The following COA1 variants were observed in gnomAD, a reference collection of about 807,000 sequenced individuals.
COA1 encodes cytochrome c oxidase assembly factor 1 homolog.
Under a neutral mutation model 16.0 loss-of-function variants are expected in COA1, and 13 were observed. The ratio of observed to expected loss-of-function variants is 0.81; its 90% confidence interval spans 0.53 to 1.29. The LOEUF is 1.29. Ranked by LOEUF, COA1 falls within the 50% of genes most tolerant of loss-of-function variation. COA1 has a pLI of 0.00. For missense variants in COA1, 179 were observed against 177.0 expected (o/e 1.01, Z -0.06); for synonymous variants, 65 against 65.7 (o/e 0.99, Z 0.05).
At chr7:43,621,220 T>A (rs10262925) in intron 6 of COA1, among the ~76,000 whole-genome samples, 1 of 152,096 alleles carries the variant, frequency 6.6e-6, no homozygotes, top group Non-Finnish European at 1.5e-5. Context: ...ACCTTTAAAA[T>A]TTTTTATATA....
At chr7:43,719,612 C>A (rs1182841861) in intron 1 of COA1, among the ~76,000 whole-genome samples, 1 of 152,200 alleles carries the variant, frequency 6.6e-6, no homozygotes, top group African/African-American at 2.4e-5. Context: ...TTTCCCCACA[C>A]ACCGAATCTG....
At chr7:43,724,613 C>G (rs951612381) in intron 1 of COA1, among the ~76,000 whole-genome samples, 3 of 151,800 alleles carry the variant, frequency 2.0e-5, no homozygotes, top group African/African-American at 7.3e-5. Flanking sequence ...ATGTTCACAG[C>G]AGCACTATTC....
chr7:43,683,844 G>C (rs1050417569), intron 1 of COA1, among the ~76,000 whole-genome samples: 1 of 152,110 alleles, frequency 6.6e-6, no homozygotes, highest in Non-Finnish European at 1.5e-5. Context: ...TGCTGCATAA[G>C]AAAGTCACCA....
chr7:43,722,925 G>A (rs1585552303), intron 1 of COA1, among the ~76,000 whole-genome samples: 2 of 152,124 alleles, frequency 1.3e-5, no homozygotes, highest in South Asian at 2.1e-4. Context: ...GAGCCCACAA[G>A]ATAAAAGATC....
chr7:43,618,500 C>T (rs528878994), intron 6 of COA1, among the ~76,000 whole-genome samples: 1 of 152,268 alleles, frequency 6.6e-6, no homozygotes, highest in African/African-American at 2.4e-5. Context: ...TCTTAAAACA[C>T]TGGGTGTTAG....
intron 1 of COA1, among the ~76,000 whole-genome samples, chr7:43,691,069 A>C (rs1425568951): frequency 2.9e-5 from 4 of 136,150 alleles, no homozygotes; most frequent in East Asian, 4.2e-4. Context: ...AAAAAAAAAA[A>C]AAAAAAAACA....
Position 43,675,363 on chromosome 7 carries a change from T to C in COA1, c.-38-26711A>G, listed in dbSNP as rs968641915. On this transcript the variant is annotated intron_variant, in intron 1 of 5. Coordinates refer to ENST00000223336, the MANE Select transcript of COA1 (RefSeq NM_018224.4). ...ACCAAACATCGTGTGTTCTCACTCA[T>C]AGGTGGGAATTGAACAATGAGAACA... 2.2e-4 allele frequency among the ~76,000 whole-genome samples: 33 copies of C among 150,618 alleles called. 1 individual carries two copies. The highest frequency in any genetic ancestry group is 9.9e-4 in the Admixed American group (15 of 15,102).
At chr7:43,720,373 T>C (rs1341622184) in intron 1 of COA1, among the ~76,000 whole-genome samples, 2 of 152,210 alleles carry the variant, frequency 1.3e-5, no homozygotes, top group Non-Finnish European at 2.9e-5. Context: ...TCCTCTTTAT[T>C]AAGCGTTTTA....
At chr7:43,699,225 A>C (rs574306461) in intron 1 of COA1, among the ~76,000 whole-genome samples, 2 of 152,112 alleles carry the variant, frequency 1.3e-5, no homozygotes, top group African/African-American at 2.4e-5. Context: ...CAGAAAAAAA[A>C]CACATATACC....
intron 1 of COA1, among the ~76,000 whole-genome samples, chr7:43,688,099 G>A (rs1188550974): frequency 6.6e-6 from 1 of 152,140 alleles, no homozygotes; most frequent in Non-Finnish European, 1.5e-5. Context: ...ATGATTCTGA[G>A]GTCTCCCCAG....
chr7:43,621,051 C>A (rs1324527132), intron 6 of COA1, among the ~76,000 whole-genome samples: 2 of 152,046 alleles, frequency 1.3e-5, no homozygotes, highest in Non-Finnish European at 2.9e-5. Context: ...GAGGATGTTA[C>A]AAGAAAAGAG....
At chr7:43,680,007 A>G (rs2093692893) in intron 1 of COA1, among the ~76,000 whole-genome samples, 1 of 152,190 alleles carries the variant, frequency 6.6e-6, no homozygotes, top group African/African-American at 2.4e-5. Context: ...TTAACAGATT[A>G]GATTCACCTT....
intron 1 of COA1, chr7:43,650,668 G>A (rs747462892): frequency 5.9e-5 from 9 of 152,210 alleles, no homozygotes; most frequent in South Asian, 2.1e-4. Flanking sequence ...GAAAGCCCTC[G>A]CCAGGACTCA....
chr7:43,623,420 TATTA>T lies in COA1; in HGVS notation c.*134-13929_*134-13926del, dbSNP rs1205387681. ...ATTACAAACATCTAGTTAGGCTTTA[TATTA>T]ATTCATATTAATTTATGGTAACCTT... is the stretch of plus-strand genomic sequence containing the variant. On this transcript the variant is annotated intron_variant and NMD_transcript_variant, in intron 6 of 6. Coordinates refer to the COA1 transcript ENST00000415076. 7 of 644,122 alleles carry T rather than the reference TATTA, an allele frequency of 1.1e-5. No homozygotes were observed. In the Admixed American group the frequency reaches 2.2e-4, roughly 21 times the overall value. The allele number at this position is 644,122 out of a possible 1,614,324, so 39.9% of individuals were successfully genotyped here. A position where few individuals can be genotyped will look rare whatever the true frequency, so the allele number is the denominator to read the frequency against.
At chr7:43,648,927 C>T (rs535218806) in intron 1 of COA1, 33 of 322,352 alleles carry the variant, frequency 1.0e-4, no homozygotes, top group African/African-American at 6.5e-4. Context: ...AAGGGAGAAC[C>T]GCAGACAGCA....
downstream of COA1, among the ~76,000 whole-genome samples, chr7:43,637,068 T>C (rs1181474214): frequency 6.6e-6 from 1 of 152,240 alleles, no homozygotes; most frequent in African/African-American, 2.4e-5. Context: ...CATGTTGTGC[T>C]TTCCACTTGC....
chr7:43,703,004 C>T (rs73108693), intron 1 of COA1, among the ~76,000 whole-genome samples: 22,195 of 152,146 alleles, frequency 0.15, 2,191 homozygotes, highest in Non-Finnish European at 0.22. Flanking sequence ...AAACTTTCCT[C>T]TTAACCTTTA....
rs750101654 is a variant in COA1, at chr7:43,645,271, C to T, written c.244G>A (p.Val82Met). The change falls in exon 4 of 6, where the codon GTG becomes ATG. Residue 82 changes from valine to methionine, a missense_variant. By Grantham distance (21) the Val-to-Met change is conservative. Transcript: ENST00000223336. ...YLKLIDRENFVDIVDAKLKIP... is the reference protein window; with the variant it reads ...YLKLIDRENFMDIVDAKLKIP... Reference sequence around the variant, plus strand: ...ATTACCTTGGCATCAACAATGTCCACGAAGTTTTCCCTGTCGATGAGCTTG... The same window carrying T: ...ATTACCTTGGCATCAACAATGTCCATGAAGTTTTCCCTGTCGATGAGCTTG... 8.7e-6 allele frequency: 14 copies of T among 1,613,832 alleles called. No homozygotes were observed. The highest frequency in any genetic ancestry group is 4.5e-5 in the East Asian group (2 of 44,882).
At chr7:43,635,847 T>C (rs2085778477), downstream of COA1, among the ~76,000 whole-genome samples, 1 of 152,124 alleles carries the variant, frequency 6.6e-6, no homozygotes. Context: ...GTGACTGATG[T>C]GGTAGCTCAA....
Sources: gnomAD v4.1 joint callset for allele counts (sites outside exome capture counted in the v4.1 genomes callset) on GRCh38, gnomAD v4.1.1 for gene constraint, MANE v1.5 for transcripts, NCBI Gene and HGNC (gene_info 2026-07-23, HGNC 2026-07-21) for gene names.